FHOD3: variants seen among roughly 807,000 people sequenced by gnomAD.
The protein encoded by FHOD3 is FH1/FH2 domain-containing protein 3.
A neutral mutation model predicts 173.0 loss-of-function variants in FHOD3; 90 were observed. The observed-to-expected ratio is 0.52, with a 90% CI of 0.44 to 0.62. The LOEUF (loss-of-function observed/expected upper bound fraction) is 0.62, where lower values mean the gene tolerates loss of function less well. Among genes scored for constraint, FHOD3 ranks in the 20% least tolerant of loss-of-function variants. The pLI, the probability that FHOD3 is intolerant of heterozygous loss-of-function variation, is 0.00. For synonymous variants in FHOD3, 828 were observed against 823.0 expected (o/e 1.01, Z -0.10); for missense variants, 1,945 against 2,034.7 (o/e 0.96, Z 0.85).
intron 17 of FHOD3, among the ~76,000 whole-genome samples, chr18:36,694,386 G>A (rs572688041): frequency 6.6e-6 from 1 of 152,174 alleles, no homozygotes; most frequent in Admixed American, 6.5e-5. Flanking sequence ...CCAAACCTTG[G>A]CTCATTCTGC....
chr18:36,549,903 T>G (rs1172492893), intron 5 of FHOD3, among the ~76,000 whole-genome samples: 1 of 150,306 alleles, frequency 6.7e-6, no homozygotes, highest in East Asian at 2.0e-4. Context: ...TTTACTCCCA[T>G]TTTTTTTTCT....
At chr18:36,453,992 T>TA (rs1433370049) in intron 3 of FHOD3, among the ~76,000 whole-genome samples, 1 of 152,166 alleles carries the variant, frequency 6.6e-6, no homozygotes. Context: ...ATATTTAAAA[T>TA]AAAAAAATTA....
At position 36,461,513 on chromosome 18, in the gene FHOD3, C is replaced by T. The variant is rs149718883; in HGVS notation, c.338-40419C>T. On this transcript the variant is annotated intron_variant, in intron 3 of 28. Coordinates refer to ENST00000590592, the MANE Select transcript of FHOD3 (RefSeq NM_001281740.3). Reference sequence around the variant, plus strand: ...TTACCCTCTTTGCCCTCATGGTTGACAGTGACTTGGCTCGTGGAATTGCTG... The same window carrying T: ...TTACCCTCTTTGCCCTCATGGTTGATAGTGACTTGGCTCGTGGAATTGCTG... 4.8e-4 allele frequency among the ~76,000 whole-genome samples: 72 copies of T among 151,540 alleles called. No individual in the cohort carries two copies. In the Middle Eastern group the frequency reaches 0.01, roughly 22 times the overall value.
chr18:36,609,870 C>G (rs968950996), intron 8 of FHOD3, among the ~76,000 whole-genome samples: 2 of 152,192 alleles, frequency 1.3e-5, no homozygotes, highest in Non-Finnish European at 2.9e-5. Flanking sequence ...CTCAACCCCC[C>G]AAAAGTGTTG....
At chr18:36,341,952 T>C (rs2145488624) in intron 1 of FHOD3, among the ~76,000 whole-genome samples, 1 of 152,336 alleles carries the variant, frequency 6.6e-6, no homozygotes, top group East Asian at 1.9e-4. Flanking sequence ...AATGATCAGA[T>C]ATAATCTCTG....
At position 36,584,107 on chromosome 18, in the gene FHOD3, C is replaced by T. The variant is rs148127758; in HGVS notation, c.606+7562C>T. 1.3e-4 allele frequency among the ~76,000 whole-genome samples: 20 copies of T among 152,308 alleles called. No individual in the cohort carries two copies. The East Asian group carries it at 3.7e-3, about 28-fold the overall frequency. ...CCTCCCAAAGTGCTAAGAATACAGG[C>T]GTGAGCCAGCATGCCCAGCCTGAGT... is the stretch of plus-strand genomic sequence containing the variant. On this transcript the variant is annotated intron_variant, in intron 6 of 28. Coordinates refer to ENST00000590592, the MANE Select transcript of FHOD3 (RefSeq NM_001281740.3).
In FHOD3 at chr18:36,594,890, C is replaced by T. The variant is rs765568380; in HGVS notation, c.710C>T (p.Thr237Met). Residue 237 changes from threonine (T) to methionine (M), a missense_variant, in exon 7 of 29, where the codon ACG becomes ATG. Transcript: ENST00000590592. ...ATTCAGGCTGTCACTGCTGTTGACA[C>T]GAAAAGAGGTGAGTAGTCCCTGCCC... Reference protein sequence around the residue: ...LLIQAVTAVDTKRGVKPWSNI... With the variant: ...LLIQAVTAVDMKRGVKPWSNI... The T allele has an allele frequency of 1.7e-5, 28 of 1,610,256 alleles. No homozygotes were observed. The highest frequency in any genetic ancestry group is 1.6e-4 in the Middle Eastern group (1 of 6,074).
At chr18:36,433,584 G>T (rs1301173910) in intron 3 of FHOD3, among the ~76,000 whole-genome samples, 1 of 152,226 alleles carries the variant, frequency 6.6e-6, no homozygotes, top group Admixed American at 6.5e-5. Flanking sequence ...ATAAATCACT[G>T]CTGATTGGAG....
intron 1 of FHOD3, among the ~76,000 whole-genome samples, chr18:36,336,624 A>G (rs7240809): frequency 0.054 from 8,231 of 151,104 alleles, 750 homozygotes; most frequent in African/African-American, 0.19. Flanking sequence ...ATCACCTGAG[A>G]TCAGGAGTTC....
rs1389651245 is a variant in FHOD3 at position 36,733,368 on chromosome 18, A to T, written c.3576+2564A>T. ...GGCTCTTGGGCCATCCTATTTACAC[A>T]ACAAGGTCCTTTAGAGAGCACAAAA... is the stretch of plus-strand genomic sequence containing the variant. On this transcript the variant is annotated intron_variant, in intron 20 of 28. Coordinates refer to ENST00000590592, the MANE Select transcript of FHOD3 (RefSeq NM_001281740.3). Among the ~76,000 whole-genome samples the T allele has an allele frequency of 3.3e-5, 5 of 152,212 alleles. No homozygotes were observed. The South Asian group carries it at 1.0e-3, about 32-fold the overall frequency.
intron 28 of FHOD3, among the ~76,000 whole-genome samples, chr18:36,776,400 C>T (rs1344103201): frequency 6.6e-6 from 1 of 152,132 alleles, no homozygotes; most frequent in Non-Finnish European, 1.5e-5. Flanking sequence ...TGACCAAACA[C>T]CCAAAGGGGC....
At chr18:36,465,228 T>C (rs1487092173) in intron 3 of FHOD3, among the ~76,000 whole-genome samples, 1 of 152,096 alleles carries the variant, frequency 6.6e-6, no homozygotes, top group Admixed American at 6.5e-5. Context: ...CTCAGGAGGC[T>C]GAGACAGGAG....
At chr18:36,469,233 C>T (rs2053135410) in intron 3 of FHOD3, among the ~76,000 whole-genome samples, 1 of 152,182 alleles carries the variant, frequency 6.6e-6, no homozygotes, top group African/African-American at 2.4e-5. Context: ...TATTGACCCT[C>T]TCAGGGCCAG....
chr18:36,325,680 CCT>C (rs574326878), intron 1 of FHOD3, among the ~76,000 whole-genome samples: 251 of 152,238 alleles, frequency 1.6e-3, no homozygotes, highest in African/African-American at 5.7e-3. Flanking sequence ...AGCTCCTTTT[CCT>C]CTCTCTTTCT....
chr18:36,355,375 T>A (rs1325282982), intron 1 of FHOD3, among the ~76,000 whole-genome samples, 164 bp from the exon 2 acceptor site: 1 of 152,212 alleles, frequency 6.6e-6, no homozygotes, highest in African/African-American at 2.4e-5. Context: ...ACACAGATTG[T>A]TCCCGATCTA....
At chr18:36,298,758 G>C (rs1223872651) in intron 1 of FHOD3, among the ~76,000 whole-genome samples, 5 of 109,984 alleles carry the variant, frequency 4.5e-5, no homozygotes, top group African/African-American at 1.7e-4. Flanking sequence ...CCGTTAGAGA[G>C]GTTTTTTTTT....
chr18:36,338,599 T>C (rs1271468971), intron 1 of FHOD3, among the ~76,000 whole-genome samples: 1 of 152,182 alleles, frequency 6.6e-6, no homozygotes. Flanking sequence ...GCTCTGAGGC[T>C]GGATTTCTTT....
chr18:36,625,830 C>T (rs1378467955), intron 10 of FHOD3, 81 bp downstream of exon 10: 1 of 1,210,876 alleles, frequency 8.3e-7, no homozygotes, highest in Admixed American at 2.3e-5. Flanking sequence ...ACTCTCCCCT[C>T]CCTGCTGGCC....
intron 1 of FHOD3, among the ~76,000 whole-genome samples, chr18:36,322,916 G>T (rs1001276196): frequency 2.0e-5 from 3 of 152,140 alleles, no homozygotes; most frequent in African/African-American, 7.2e-5. Flanking sequence ...GTGGCTGCTG[G>T]GCACTGCCAC....
Sources: allele counts gnomAD v4.1 joint callset (sites outside exome capture counted in the v4.1 genomes callset), GRCh38; gene constraint gnomAD v4.1.1; transcripts MANE v1.5; gene names NCBI Gene and HGNC (gene_info 2026-07-23, HGNC 2026-07-21).